DENND1B: variants seen among roughly 807,000 people sequenced by gnomAD.
The protein encoded by DENND1B is DENN domain containing 1B.
DENND1B carries 59 observed loss-of-function variants against 90.1 expected under a neutral mutation model. The ratio of observed to expected loss-of-function variants is 0.65; its 90% CI spans 0.53 to 0.81. The LOEUF (loss-of-function observed/expected upper bound fraction) is 0.81. Ranked by LOEUF, DENND1B falls within the 40% of genes least tolerant of loss-of-function variation. The probability of loss-of-function intolerance (pLI) is 0.00; values close to 1 mark genes in which losing one functional copy is unlikely to be tolerated. For missense variants in DENND1B, 862 were observed against 912.6 expected (o/e 0.94, Z 0.71); for synonymous variants, 337 against 324.6 (o/e 1.04, Z -0.41).
At chr1:197,680,747 T>A (rs1440035934) in intron 3 of DENND1B, among the ~76,000 whole-genome samples, 2 of 152,108 alleles carry the variant, frequency 1.3e-5, no homozygotes, top group Admixed American at 6.6e-5. Context: ...AGGCAGCATA[T>A]CAAAGTAGCC....
intron 10 of DENND1B, among the ~76,000 whole-genome samples, chr1:197,640,513 T>A (rs1468772357): frequency 6.6e-6 from 1 of 151,662 alleles, no homozygotes; most frequent in African/African-American, 2.4e-5. Context: ...TATAAAATTA[T>A]AGCTCATAAT....
intron 11 of DENND1B, 128 bp from the exon 12 acceptor site, chr1:197,612,104 A>T (rs558412783): frequency 1.7e-6 from 1 of 586,918 alleles, no homozygotes; most frequent in Non-Finnish European, 2.8e-6. Flanking sequence ...CACATTATAG[A>T]TATTCAAAAT....
chr1:197,555,698 A>T (rs1571861885), intron 15 of DENND1B, among the ~76,000 whole-genome samples: 1 of 152,094 alleles, frequency 6.6e-6, no homozygotes, highest in Non-Finnish European at 1.5e-5. Flanking sequence ...TAAAAAGTCA[A>T]AAAGTAACAG....
At chr1:197,585,047 T>C (rs1468153849) in intron 14 of DENND1B, among the ~76,000 whole-genome samples, 1 of 152,152 alleles carries the variant, frequency 6.6e-6, no homozygotes, top group East Asian at 1.9e-4. Context: ...TTTACATAAA[T>C]ATATTTTGGA....
At chr1:197,618,824 T>C (rs1677889727) in intron 10 of DENND1B, among the ~76,000 whole-genome samples, 1 of 151,252 alleles carries the variant, frequency 6.6e-6, no homozygotes, top group Middle Eastern at 3.5e-3. Flanking sequence ...CCGTTTTCTC[T>C]ATTATTATAC....
At chr1:197,688,547 G>T (rs2126012915) in intron 3 of DENND1B, among the ~76,000 whole-genome samples, 1 of 152,106 alleles carries the variant, frequency 6.6e-6, no homozygotes, top group South Asian at 2.1e-4. Context: ...TTCAACAAGG[G>T]TACCAGGAAC....
chr1:197,747,009 A>AT (rs1295811088), intron 2 of DENND1B: 1 of 893,266 alleles, frequency 1.1e-6, no homozygotes, highest in Admixed American at 1.7e-5. Context: ...ATTTCTCAAC[A>AT]TTTTTCCTTT....
rs560200211 is a variant in DENND1B at position 197,570,013 on chromosome 1, T to A, written c.1149+13139A>T. Among the ~76,000 whole-genome samples, 18 of 152,250 alleles carry A rather than the reference T, an allele frequency of 1.2e-4. 1 individual carries two copies. In the South Asian group the frequency reaches 2.3e-3, roughly 19 times the overall value. ...TTAGTCATTCCACAATCAAAATTGA[T>A]GTTAATTAATTTAGCCATTCTATAA... is the stretch of plus-strand genomic sequence containing the variant. On this transcript the variant is annotated intron_variant, in intron 15 of 22. Coordinates refer to ENST00000620048, the MANE Select transcript of DENND1B (RefSeq NM_001195215.2).
chr1:197,638,821 ATG>A (rs1680017962), intron 10 of DENND1B, among the ~76,000 whole-genome samples: 1 of 152,140 alleles, frequency 6.6e-6, no homozygotes. Flanking sequence ...AAACCGTTCC[ATG>A]TGTACTTGAC....
At chr1:197,644,242 G>A (rs1413261835) in intron 9 of DENND1B, among the ~76,000 whole-genome samples, 1 of 152,166 alleles carries the variant, frequency 6.6e-6, no homozygotes, top group African/African-American at 2.4e-5. Flanking sequence ...TCAGCATAGA[G>A]TGCTGCCTTA....
intron 20 of DENND1B, among the ~76,000 whole-genome samples, chr1:197,514,655 G>T (rs572544521): frequency 6.6e-6 from 1 of 151,646 alleles, no homozygotes; most frequent in African/African-American, 2.4e-5. Flanking sequence ...CTACATAAAT[G>T]GTTTCTGGGG....
intron 11 of DENND1B, among the ~76,000 whole-genome samples, chr1:197,617,021 G>T (rs1366190579): frequency 6.6e-6 from 1 of 151,000 alleles, no homozygotes; most frequent in Non-Finnish European, 1.5e-5. Flanking sequence ...AACAAGGAGG[G>T]TCTAGAGGCC....
chr1:197,628,122 T>A (rs573510075), intron 10 of DENND1B, among the ~76,000 whole-genome samples: 13 of 152,126 alleles, frequency 8.5e-5, no homozygotes, highest in Non-Finnish European at 1.9e-4. Flanking sequence ...ATAGATTCAA[T>A]GCCATCCCCA....
intron 10 of DENND1B, among the ~76,000 whole-genome samples, chr1:197,620,689 T>C (rs1039353686): frequency 2.6e-5 from 4 of 151,332 alleles, no homozygotes; most frequent in African/African-American, 7.3e-5. Context: ...GAAAATATTA[T>C]AATAATTTTT....
chr1:197,652,941 G>C (rs955034522), intron 6 of DENND1B, among the ~76,000 whole-genome samples: 2 of 151,868 alleles, frequency 1.3e-5, no homozygotes, highest in Non-Finnish European at 2.9e-5. Flanking sequence ...TACAAATCCA[G>C]TAATAAATAT....
intron 6 of DENND1B, among the ~76,000 whole-genome samples, chr1:197,657,691 C>T (rs189183820): frequency 6.6e-6 from 1 of 152,074 alleles, no homozygotes; most frequent in Admixed American, 6.5e-5. Context: ...AAAATGCTCT[C>T]ATGATTCCTC....
At chr1:197,660,460 GAAAT>G (rs1343279867) in intron 5 of DENND1B, among the ~76,000 whole-genome samples, 2 of 151,954 alleles carry the variant, frequency 1.3e-5, no homozygotes, top group Non-Finnish European at 2.9e-5. Context: ...ATAGAGGAAA[GAAAT>G]GAATGAAAGT....
intron 2 of DENND1B, among the ~76,000 whole-genome samples, chr1:197,730,025 G>C (rs1287915090): frequency 6.6e-6 from 1 of 151,428 alleles, no homozygotes; most frequent in Non-Finnish European, 1.5e-5. Context: ...AAGTACTCCA[G>C]GGAACCGCCA....
intron 3 of DENND1B, among the ~76,000 whole-genome samples, chr1:197,697,413 TTCTG>T (rs796471266): frequency 5.9e-5 from 9 of 151,968 alleles, no homozygotes; most frequent in African/African-American, 1.9e-4. Flanking sequence ...AATTTCATCA[TTCTG>T]TCTTTCTGCT....
Sources: allele counts gnomAD v4.1 joint callset (sites outside exome capture counted in the v4.1 genomes callset), GRCh38; gene constraint gnomAD v4.1.1; transcripts MANE v1.5; gene names NCBI Gene and HGNC (gene_info 2026-07-23, HGNC 2026-07-21).